The following JPH3 variants were observed in gnomAD, a reference collection of about 807,000 sequenced individuals.
The protein encoded by JPH3 is junctophilin 3.
In JPH3, 11 loss-of-function variants were observed where a neutral mutation model predicts 59.6. That is an observed-to-expected ratio of 0.18 (90% confidence interval 0.12 to 0.31). JPH3 has a LOEUF of 0.31. JPH3 is among the 10% of genes least tolerant of loss of function. JPH3 has a pLI of 1.00. For synonymous variants in JPH3, 673 were observed against 483.6 expected (o/e 1.39, Z -5.14); for missense variants, 1,202 against 1,105.7 (o/e 1.09, Z -1.24).
intron 1 of JPH3, among the ~76,000 whole-genome samples, chr16:87,637,882 T>G (rs1400583335): frequency 2.0e-5 from 3 of 152,152 alleles, no homozygotes; most frequent in African/African-American, 7.2e-5. Flanking sequence ...GTGTTCTGTG[T>G]TGTCAGAGCA....
intron 2 of JPH3, among the ~76,000 whole-genome samples, chr16:87,651,049 G>A (rs2150850614): frequency 6.6e-6 from 1 of 152,322 alleles, no homozygotes; most frequent in East Asian, 1.9e-4. Flanking sequence ...CAGCACAGCT[G>A]GAAATGTTAA....
At chr16:87,658,922 C>T (rs1335155788) in intron 2 of JPH3, among the ~76,000 whole-genome samples, 1 of 152,240 alleles carries the variant, frequency 6.6e-6, no homozygotes, top group Admixed American at 6.5e-5. Flanking sequence ...GGCAGCTTGA[C>T]TGGCTGGTGT....
intron 2 of JPH3, among the ~76,000 whole-genome samples, chr16:87,651,193 T>C (rs1047840747): frequency 5.3e-5 from 8 of 152,324 alleles, no homozygotes; most frequent in Non-Finnish European, 1.2e-4. Context: ...GTTTCCAGAA[T>C]AGTTTTAAGC....
chr16:87,651,971 C>CA lies in JPH3; in HGVS notation c.1160+6936_1160+6937insA, dbSNP rs1567599776. ...TCATTGATGCAGCCAACATTGTTGTCGTTTTTTTTTTGTTTTGTTTTGAGA... is the reference window on the plus strand; with the variant it reads ...TCATTGATGCAGCCAACATTGTTGTCAGTTTTTTTTTTGTTTTGTTTTGAGA... On this transcript the variant is annotated intron_variant, in intron 2 of 4. Transcript: ENST00000284262. Among the ~76,000 whole-genome samples, 21 of 147,134 alleles carry CA rather than the reference C, an allele frequency of 1.4e-4. No homozygotes were observed. In the South Asian group the frequency reaches 1.8e-3, roughly 12 times the overall value.
At chr16:87,645,493 G>T (rs1195555836) in intron 2 of JPH3, among the ~76,000 whole-genome samples, 2 of 152,208 alleles carry the variant, frequency 1.3e-5, no homozygotes, top group Non-Finnish European at 2.9e-5. Flanking sequence ...CTGCGATCTA[G>T]ATTCTTCCGG....
rs1452521352 is a variant in JPH3 at position 87,696,123 on chromosome 16, CCT to C, written c.2167-452_2167-451del. 8 of 458,164 alleles carry C rather than the reference CCT, an allele frequency of 1.7e-5. No homozygotes were observed. In the East Asian group the frequency reaches 4.8e-4, roughly 28 times the overall value. The allele number at this position is 458,164 out of a possible 1,614,324, so 28.4% of individuals were successfully genotyped here. ...TTTGGGAGTCCTCTGAGTTCCAGGGCCTCTCTGCTGGGCTGCATCTGACACTG... is the reference window on the plus strand; with the variant it reads ...TTTGGGAGTCCTCTGAGTTCCAGGGCCTCTGCTGGGCTGCATCTGACACTG... On this transcript the variant is annotated intron_variant, in intron 4 of 4. Transcript: ENST00000284262.
chr16:87,646,338 C>T (rs574157955), intron 2 of JPH3, among the ~76,000 whole-genome samples: 2 of 152,302 alleles, frequency 1.3e-5, no homozygotes, highest in Non-Finnish European at 2.9e-5. Context: ...GAATCAAGAT[C>T]GATTCCAAGA....
At chr16:87,628,691 T>G (rs1289767674) in intron 1 of JPH3, among the ~76,000 whole-genome samples, 1 of 152,158 alleles carries the variant, frequency 6.6e-6, no homozygotes, top group Admixed American at 6.5e-5. Flanking sequence ...GAGAATCGAT[T>G]CAGTGGCCCG....
At chr16:87,696,196 T>A (rs2033842623) in intron 4 of JPH3, 1 of 451,776 alleles carries the variant, frequency 2.2e-6, no homozygotes. Flanking sequence ...AGGTCCCAGT[T>A]CCACAGGGCA....
intron 1 of JPH3, among the ~76,000 whole-genome samples, chr16:87,617,095 G>A (rs1189524728): frequency 2.7e-5 from 4 of 149,260 alleles, no homozygotes; most frequent in African/African-American, 7.7e-5. Flanking sequence ...GCGGTGGTGC[G>A]TACCTGTAAT....
In JPH3 at chr16:87,644,832, G is replaced by T; in HGVS notation, c.957G>T (p.Arg319=). ...LKYEGEWASN[R]RHGYGCMTFP... ...ACGAGGGCGAGTGGGCCAGCAACCG[G>T]CGCCATGGCTACGGCTGCATGACCT... is the stretch of plus-strand genomic sequence containing the variant. The change falls in exon 2 of 5, where the codon CGG becomes CGT. Residue 319 remains arginine (R), a synonymous_variant. Transcript: ENST00000284262. 6.2e-7 allele frequency: 1 copy of T among 1,613,438 alleles called. No homozygotes were observed.
chr16:87,666,089 T>C (rs1033499738), intron 2 of JPH3, among the ~76,000 whole-genome samples: 1 of 137,358 alleles, frequency 7.3e-6, no homozygotes, highest in Non-Finnish European at 1.5e-5. Context: ...ACTTCTTTTT[T>C]TCTCTTTTTT....
chr16:87,610,337 C>T (rs533936336), intron 1 of JPH3, among the ~76,000 whole-genome samples: 1 of 152,294 alleles, frequency 6.6e-6, no homozygotes, highest in South Asian at 2.1e-4. Context: ...CCATATTGGA[C>T]AATGTAAATC....
rs574967556 is a variant in JPH3 at position 87,614,492 on chromosome 16, G to A, written c.382+10964G>A. Reference sequence around the variant, plus strand: ...GGTCCCTGCACACACGAGGGTCCGCGCGTCCCCCGCAGGATAAACGCAGGT... The same window carrying A: ...GGTCCCTGCACACACGAGGGTCCGCACGTCCCCCGCAGGATAAACGCAGGT... On this transcript the variant is annotated intron_variant, in intron 1 of 4. Transcript: ENST00000284262. 1.2e-4 allele frequency among the ~76,000 whole-genome samples: 18 copies of A among 148,918 alleles called. 1 individual carries two copies. The highest frequency in any genetic ancestry group is 8.7e-4 in the Admixed American group (13 of 15,018).
chr16:87,604,771 G>T (rs1597229953), intron 1 of JPH3: 1 of 686,310 alleles, frequency 1.5e-6, no homozygotes, highest in Non-Finnish European at 2.0e-6. Flanking sequence ...GAAAAGCAGG[G>T]TTCGTTATTA....
At chr16:87,677,848 G>A (rs934198068) in intron 2 of JPH3, among the ~76,000 whole-genome samples, 1 of 152,246 alleles carries the variant, frequency 6.6e-6, no homozygotes, top group Non-Finnish European at 1.5e-5. Flanking sequence ...TGTAAACGAG[G>A]TAAAGCCGGA....
In JPH3 at chr16:87,603,365, C is replaced by T. The variant is rs1423828341; in HGVS notation, c.219C>T (p.Ile73=). The stretch of plus-strand genomic sequence containing the variant: ...GGGCGCAGGGCAAGCGCCACGGCAT[C>T]GGCCTGGAGAGCAAGGGGAAGTGGG... ...GTWAQGKRHG[I]GLESKGKWVY... Residue 73 remains isoleucine (I), a synonymous_variant, in exon 1 of 5, where the codon ATC becomes ATT. Coordinates refer to ENST00000284262, the MANE Select transcript of JPH3 (RefSeq NM_020655.4). The T allele has an allele frequency of 4.3e-6, 7 of 1,611,162 alleles. No homozygotes were observed. The highest frequency in any genetic ancestry group is 5.9e-6 in the Non-Finnish European group (7 of 1,178,848).
Position 87,645,069 on chromosome 16 carries a change from G to T in JPH3, c.1160+34G>T, listed in dbSNP as rs370796774. 387 of 1,572,166 alleles carry T rather than the reference G, an allele frequency of 2.5e-4. No homozygotes were observed. In the African/African-American group the frequency reaches 4.8e-3, roughly 19 times the overall value. ...GCGAGGGGGCGGGGGGCCCTTCTTGGTGCCCAGAAGGTGTTTGTGAGCCCA... is the reference window on the plus strand; with the variant it reads ...GCGAGGGGGCGGGGGGCCCTTCTTGTTGCCCAGAAGGTGTTTGTGAGCCCA... On this transcript the variant is annotated intron_variant, in intron 2 of 4. Transcript: ENST00000284262.
At chr16:87,613,569 C>T (rs1288446749) in intron 1 of JPH3, among the ~76,000 whole-genome samples, 2 of 152,172 alleles carry the variant, frequency 1.3e-5, no homozygotes, top group South Asian at 2.1e-4. Context: ...GATCCGCCCA[C>T]CTCAGCCTCT....
Sources: allele counts gnomAD v4.1 joint callset (sites outside exome capture counted in the v4.1 genomes callset), GRCh38; gene constraint gnomAD v4.1.1; transcripts MANE v1.5; gene names NCBI Gene and HGNC (gene_info 2026-07-23, HGNC 2026-07-21).